The following PRKN variants were observed in gnomAD, a reference collection of about 807,000 sequenced individuals.
PRKN encodes the protein parkin RBR E3 ubiquitin protein ligase.
PRKN carries 56 observed loss-of-function variants against 59.5 expected under a neutral mutation model. The observed-to-expected ratio is 0.94, with a 90% CI of 0.76 to 1.18. The LOEUF is 1.18. Among genes scored for constraint, PRKN ranks in the 50% most tolerant of loss-of-function variants. The pLI is 0.00. For synonymous variants in PRKN, 250 were observed against 222.1 expected (o/e 1.13, Z -1.12); for missense variants, 657 against 596.4 (o/e 1.10, Z -1.06).
intron 4 of PRKN, among the ~76,000 whole-genome samples, chr6:162,066,205 T>C (rs1337524485): frequency 4.6e-5 from 7 of 152,212 alleles, no homozygotes; most frequent in Admixed American, 2.0e-4. Context: ...AAAGTGTTCC[T>C]ATTTCTCCAC....
rs1789459734 is a variant in PRKN at position 161,445,802 on chromosome 6, TC to T, written c.1084-58926del. Among the ~76,000 whole-genome samples, 18 of 88,912 alleles carry T rather than the reference TC, an allele frequency of 2.0e-4. 1 individual carries two copies. In the South Asian group the frequency reaches 5.0e-3, roughly 24 times the overall value. The allele number at this position is 88,912 out of a possible 152,430, so 58.3% of individuals were successfully genotyped here. ...AGCAAAGAATACAAGGGGTTTCCCT[TC>T]CCTTCCCTTCCCTTCCCTTCCCTTC... On this transcript the variant is annotated intron_variant, in intron 9 of 11. Transcript: ENST00000366898. This position sits in a 1 kb window ranked among gnomAD's most constrained non-coding sequence, Gnocchi z 7.7.
chr6:162,322,722 A>T (rs2128122190), intron 2 of PRKN, among the ~76,000 whole-genome samples: 1 of 152,210 alleles, frequency 6.6e-6, no homozygotes, highest in Non-Finnish European at 1.5e-5. Context: ...ACAATTGACT[A>T]TCCATTATAA....
intron 4 of PRKN, among the ~76,000 whole-genome samples, chr6:162,141,675 A>T (rs139359294): frequency 6.1e-4 from 93 of 152,356 alleles, no homozygotes; most frequent in African/African-American, 2.2e-3. Context: ...CATCCAGTTG[A>T]TTTCAAATAA....
At position 162,032,898 on chromosome 6, in the gene PRKN, A is replaced by C. The variant is rs978111886; in HGVS notation, c.618+21193T>G. The stretch of plus-strand genomic sequence containing the variant: ...GAGAGATAAATATGACAAAACAAAG[A>C]AAGCTGCATGTTTGAAGTGCTTTCC... On this transcript the variant is annotated intron_variant, in intron 5 of 11. Coordinates refer to ENST00000366898, the MANE Select transcript of PRKN (RefSeq NM_004562.3). Among the ~76,000 whole-genome samples, 9 of 152,132 alleles carry C rather than the reference A, an allele frequency of 5.9e-5. 1 individual carries two copies. The highest frequency in any genetic ancestry group is 5.9e-4 in the Admixed American group (9 of 15,274).
Position 161,444,767 on chromosome 6 carries a change from C to G in PRKN, c.1084-57890G>C, listed in dbSNP as rs11963309. On this transcript the variant is annotated intron_variant, in intron 9 of 11. Transcript: ENST00000366898. The surrounding 1 kb of genome is among the most constrained non-coding windows in gnomAD (Gnocchi z 5.6). ...GAAACGGCACTCTTGACATGCTGTA[C>G]GGACAGAATCTTTACATGTCGTTTA... Among the ~76,000 whole-genome samples the G allele has an allele frequency of 1.3e-5, 2 of 152,308 alleles. No homozygotes were observed. Among genetic ancestry groups the G allele is most frequent in the Admixed American group, 6.5e-5 (1 of 15,302 alleles).
intron 2 of PRKN, among the ~76,000 whole-genome samples, chr6:162,426,513 C>A (rs2128161116): frequency 6.6e-6 from 1 of 152,348 alleles, no homozygotes; most frequent in South Asian, 2.1e-4. Context: ...TGCAGTGGCA[C>A]AATCTCGGCT....
At chr6:162,112,833 C>T (rs899230875) in intron 4 of PRKN, among the ~76,000 whole-genome samples, 2 of 151,834 alleles carry the variant, frequency 1.3e-5, no homozygotes, top group African/African-American at 2.4e-5. Context: ...GCCAGCTACT[C>T]GGGAGGCTGA....
chr6:161,996,225 G>T (rs73606844), intron 5 of PRKN, among the ~76,000 whole-genome samples: 3,702 of 151,990 alleles, frequency 0.024, 162 homozygotes, highest in African/African-American at 0.086. Flanking sequence ...CCACAAAAAG[G>T]GTGAAATCCT....
At chr6:162,433,852 C>T (rs1367863793) in intron 2 of PRKN, among the ~76,000 whole-genome samples, 1 of 152,172 alleles carries the variant, frequency 6.6e-6, no homozygotes, top group East Asian at 1.9e-4. Context: ...CAAAAGCCCA[C>T]ATATTTGAAA....
chr6:162,416,825 T>A (rs1788651271), intron 2 of PRKN, among the ~76,000 whole-genome samples: 1 of 152,166 alleles, frequency 6.6e-6, no homozygotes, highest in Non-Finnish European at 1.5e-5. Flanking sequence ...AAGATGTACA[T>A]CCTTAAATTC....
intron 1 of PRKN, among the ~76,000 whole-genome samples, chr6:162,461,680 G>C (rs2128174446): frequency 6.6e-6 from 1 of 151,672 alleles, no homozygotes; most frequent in South Asian, 2.1e-4. Context: ...AATTAGCCAG[G>C]TGTGGTGGTG....
chr6:162,346,404 C>G (rs1784404792), intron 2 of PRKN, among the ~76,000 whole-genome samples: 1 of 150,890 alleles, frequency 6.6e-6, no homozygotes, highest in South Asian at 2.1e-4. Context: ...TTGCTTGTGC[C>G]CAGGAGTTCG....
At chr6:161,681,713 TCAGA>T (rs1175442686) in intron 7 of PRKN, among the ~76,000 whole-genome samples, 1 of 152,168 alleles carries the variant, frequency 6.6e-6, no homozygotes, top group Non-Finnish European at 1.5e-5. Context: ...GGACCCTGTG[TCAGA>T]CAGTGCATGG....
At chr6:162,162,456 G>C (rs1418598276) in intron 4 of PRKN, among the ~76,000 whole-genome samples, 3 of 152,046 alleles carry the variant, frequency 2.0e-5, no homozygotes, top group Non-Finnish European at 1.5e-5. Context: ...GTTTGTATTG[G>C]GTTTGGTACT....
At chr6:161,898,402 T>G (rs1777743422) in intron 6 of PRKN, among the ~76,000 whole-genome samples, 1 of 152,212 alleles carries the variant, frequency 6.6e-6, no homozygotes, top group Non-Finnish European at 1.5e-5. Flanking sequence ...TATATTGCTT[T>G]ACACTGTTCA....
intron 2 of PRKN, among the ~76,000 whole-genome samples, chr6:162,356,452 T>A (rs1784858589): frequency 6.6e-6 from 1 of 152,086 alleles, no homozygotes; most frequent in African/African-American, 2.4e-5. Flanking sequence ...TGTGTTTCAC[T>A]ATGATTGCTG....
At chr6:161,957,683 A>C (rs1780232825) in intron 6 of PRKN, among the ~76,000 whole-genome samples, 1 of 152,164 alleles carries the variant, frequency 6.6e-6, no homozygotes, top group South Asian at 2.1e-4. Context: ...TCGGCCTCCC[A>C]AAATGCTGGG....
intron 3 of PRKN, among the ~76,000 whole-genome samples, chr6:162,234,016 C>T (rs541869372): frequency 2.0e-5 from 3 of 152,196 alleles, no homozygotes; most frequent in African/African-American, 4.8e-5. Context: ...AAGACATATA[C>T]TGAAGAGTTG....
At chr6:162,515,285 G>C (rs1191863945) in intron 1 of PRKN, among the ~76,000 whole-genome samples, 1 of 152,106 alleles carries the variant, frequency 6.6e-6, no homozygotes, top group Non-Finnish European at 1.5e-5. Context: ...ATTTCACCAT[G>C]TTGGCCAGGC....
Sources: allele counts gnomAD v4.1 joint callset (sites outside exome capture counted in the v4.1 genomes callset), GRCh38; gene constraint gnomAD v4.1.1; non-coding constraint Gnocchi (gnomAD v3.1); transcripts MANE v1.5; gene names NCBI Gene and HGNC (gene_info 2026-07-23, HGNC 2026-07-21).